Variants in DNAH3 observed in about 807,000 individuals in gnomAD.
The protein encoded by DNAH3 is dynein axonemal heavy chain 3, also known as axonemal beta dynein heavy chain 3.
A neutral mutation model predicts 432.5 loss-of-function variants in DNAH3; 332 were observed. The ratio of observed to expected loss-of-function variants is 0.77; its 90% confidence interval spans 0.70 to 0.84. The LOEUF (loss-of-function observed/expected upper bound fraction) is 0.84. Ranked by LOEUF, DNAH3 falls within the 40% of genes least tolerant of loss-of-function variation. The pLI is 0.00. For synonymous variants in DNAH3, 1,956 were observed against 1,900.2 expected (o/e 1.03, Z -0.76); for missense variants, 4,861 against 5,114.0 (o/e 0.95, Z 1.51).
chr16:20,982,270 G>A (rs1003558558), intron 49 of DNAH3, among the ~76,000 whole-genome samples: 6 of 152,132 alleles, frequency 3.9e-5, no homozygotes, highest in African/African-American at 1.4e-4. Flanking sequence ...TGTAATCCCA[G>A]CTGCTTGGGG....
chr16:20,990,082 G>A (rs915635095), intron 44 of DNAH3, among the ~76,000 whole-genome samples: 36 of 152,234 alleles, frequency 2.4e-4, no homozygotes, highest in African/African-American at 8.7e-4. Flanking sequence ...CCCAGAAAGG[G>A]GCTCCCATAG....
exon 1 of DNAH3, chr16:21,159,435 C>A: frequency 6.2e-7 from 1 of 1,613,836 alleles, no homozygotes; most frequent in South Asian, 1.1e-5. Context: ...CGCCCTGTAG[C>A]TCCCATCCCC....
At chr16:20,936,694 C>T in exon 60 of DNAH3, 6 of 1,607,396 alleles carry the variant, frequency 3.7e-6, no homozygotes, top group Non-Finnish European at 5.1e-6. Context: ...CGTAGCCCCC[C>T]AGAGGCTTCA....
At chr16:21,014,717 C>G (rs2087775668) in intron 41 of DNAH3, among the ~76,000 whole-genome samples, 1 of 152,070 alleles carries the variant, frequency 6.6e-6, no homozygotes. Context: ...ACTCCTGGAA[C>G]TTATAAGTGA....
intron 31 of DNAH3, among the ~76,000 whole-genome samples, chr16:21,047,570 C>T (rs1209232195): frequency 7.3e-5 from 11 of 149,856 alleles, no homozygotes; most frequent in African/African-American, 2.7e-4. Context: ...TCTAGTTATA[C>T]ATTCTTCTAA....
intron 14 of DNAH3, among the ~76,000 whole-genome samples, chr16:21,111,032 A>AT (rs1270696053): frequency 1.3e-5 from 2 of 152,002 alleles, no homozygotes; most frequent in African/African-American, 4.8e-5. Context: ...CAATTAGAAA[A>AT]TTCGCCAGCC....
At chr16:20,985,202 C>T (rs375770492) in exon 48 of DNAH3, 67 of 1,614,058 alleles carry the variant, frequency 4.2e-5, no homozygotes, top group Admixed American at 1.8e-4. Context: ...ATGTTAGGCA[C>T]GTCACCTGTG....
chr16:21,124,644 A>AC (rs1290955407), intron 9 of DNAH3, among the ~76,000 whole-genome samples: 2 of 137,106 alleles, frequency 1.5e-5, no homozygotes, highest in Non-Finnish European at 3.2e-5. Context: ...TCAAACATTT[A>AC]CTTTTTTTTT....
In DNAH3 at chr16:21,145,989, A is replaced by AC; in HGVS notation, c.216_217insG (p.Tyr73ValfsTer36). The AC allele has an allele frequency of 6.2e-7, 1 of 1,607,774 alleles. No homozygotes were observed. The highest frequency in any genetic ancestry group is 8.5e-7 in the Non-Finnish European group (1 of 1,174,238). ...TGGCAGCCAGGTGTGCATACCTGAT[A>AC]GAGTCCAGACGGTTCCTCATTAGCA... On this transcript the variant is annotated frameshift_variant, in exon 2 of 62. Coordinates refer to ENST00000261383, the Ensembl canonical transcript of DNAH3. LOFTEE classifies it high-confidence loss of function.
chr16:21,108,221 A>AACC (rs1236255698), intron 14 of DNAH3, among the ~76,000 whole-genome samples: 1 of 152,166 alleles, frequency 6.6e-6, no homozygotes, highest in Non-Finnish European at 1.5e-5. Context: ...GTCAGCCACC[A>AACC]ACCTGGAGTT....
intron 21 of DNAH3, 126 bp from the exon 22 acceptor site, chr16:21,070,952 C>T: frequency 3.3e-6 from 2 of 612,050 alleles, no homozygotes; most frequent in South Asian, 1.9e-5. Flanking sequence ...TGGCTCAATC[C>T]TAGCTCACTG....
At chr16:21,062,805 A>C in intron 24 of DNAH3, 122 bp from the exon 25 acceptor site, 1 of 689,972 alleles carries the variant, frequency 1.4e-6, no homozygotes, top group Non-Finnish European at 2.4e-6. Context: ...TGCGGTCTTC[A>C]CAAAGGCCCA....
intron 35 of DNAH3, 45 bp from the exon 36 acceptor site, chr16:21,034,130 C>G (rs960933282): frequency 7.6e-7 from 1 of 1,311,648 alleles, no homozygotes; most frequent in African/African-American, 1.4e-5. Flanking sequence ...CATTGCAACG[C>G]TCCCCCATTG....
At chr16:20,975,518 T>C (rs978259676) in intron 50 of DNAH3, 103 bp from the exon 51 acceptor site, 8 of 1,116,352 alleles carry the variant, frequency 7.2e-6, no homozygotes, top group African/African-American at 6.2e-5. Flanking sequence ...GCAGAAAATA[T>C]GTACTAATGA....
intron 57 of DNAH3, among the ~76,000 whole-genome samples, chr16:20,945,681 G>A (rs1051928376): frequency 3.3e-5 from 5 of 152,006 alleles, no homozygotes; most frequent in Non-Finnish European, 5.9e-5. Flanking sequence ...TAGTAGCGAC[G>A]GGGTTTCACT....
At chr16:21,057,668 C>G (rs2090182738) in intron 27 of DNAH3, among the ~76,000 whole-genome samples, 1 of 152,108 alleles carries the variant, frequency 6.6e-6, no homozygotes, top group Non-Finnish European at 1.5e-5. Flanking sequence ...CAAGAGAAAG[C>G]TGAAGGCAGG....
At chr16:21,036,774 A>T in exon 35 of DNAH3, 1 of 1,613,848 alleles carries the variant, frequency 6.2e-7, no homozygotes, top group Non-Finnish European at 8.5e-7. Context: ...TGATGTTATC[A>T]TTCAGCACTT....
rs111346046 is a variant in DNAH3, at chr16:20,988,427, C to T, written c.6602-362G>A. ...TATCATGTTGTATTATATTACATTACTTTTTGAGATGGAGTTCCCCTCTGT... is the reference window on the plus strand; with the variant it reads ...TATCATGTTGTATTATATTACATTATTTTTTGAGATGGAGTTCCCCTCTGT... On this transcript the variant is annotated intron_variant, in intron 44 of 61. Transcript: ENST00000261383. 2.0e-3 allele frequency among the ~76,000 whole-genome samples: 308 copies of T among 152,116 alleles called. 2 individuals are homozygous for T. The highest frequency in any genetic ancestry group is 6.7e-3 in the African/African-American group (279 of 41,492).
intron 48 of DNAH3, among the ~76,000 whole-genome samples, chr16:20,984,030 A>AAAAAAG (rs2086054498): frequency 2.4e-5 from 1 of 41,104 alleles, no homozygotes; most frequent in African/African-American, 8.7e-5. Flanking sequence ...CTATATCCAG[A>AAAAAAG]AAAAAAAAAA....
Sources: allele counts gnomAD v4.1 joint callset (sites outside exome capture counted in the v4.1 genomes callset), GRCh38; gene constraint gnomAD v4.1.1; transcripts MANE v1.5; gene names NCBI Gene and HGNC (gene_info 2026-07-23, HGNC 2026-07-21).